The following KCNB2 variants were observed in gnomAD, a reference collection of about 807,000 sequenced individuals.
KCNB2 encodes the protein potassium voltage-gated channel subfamily B member 2.
In KCNB2, 15 loss-of-function variants were observed where a neutral mutation model predicts 61.5. The observed-to-expected ratio is 0.24, with a 90% confidence interval of 0.16 to 0.38. The LOEUF (loss-of-function observed/expected upper bound fraction) is 0.38. Among genes scored for constraint, KCNB2 ranks in the 10% least tolerant of loss-of-function variants. KCNB2 has a pLI of 1.00. For missense variants in KCNB2, 828 were observed against 1,125.2 expected, an observed-to-expected ratio of 0.74 and a Z score of 3.78; for synonymous variants, 457 against 446.0, an observed-to-expected ratio of 1.02 and a Z score of -0.31.
intron 2 of KCNB2, among the ~76,000 whole-genome samples, chr8:72,684,813 G>C (rs1459867818): frequency 6.6e-6 from 1 of 152,172 alleles, no homozygotes; most frequent in African/African-American, 2.4e-5. Context: ...GTAGATTTCT[G>C]AGATGTGCAC....
At chr8:72,785,657 A>G (rs1808834859) in intron 2 of KCNB2, among the ~76,000 whole-genome samples, 1 of 152,140 alleles carries the variant, frequency 6.6e-6, no homozygotes, top group Admixed American at 6.5e-5. Flanking sequence ...TCTACTATGA[A>G]TAATAAGTCA....
At chr8:72,690,565 T>C (rs1421279252) in intron 2 of KCNB2, among the ~76,000 whole-genome samples, 1 of 152,250 alleles carries the variant, frequency 6.6e-6, no homozygotes, top group Non-Finnish European at 1.5e-5. Context: ...TAGACTGGAA[T>C]CTTCTTGCAG....
At chr8:72,705,494 A>T (rs1183678786) in intron 2 of KCNB2, among the ~76,000 whole-genome samples, 1 of 152,234 alleles carries the variant, frequency 6.6e-6, no homozygotes, top group Non-Finnish European at 1.5e-5. Context: ...CATGGAGAGA[A>T]GATTAATAAC....
intron 2 of KCNB2, among the ~76,000 whole-genome samples, chr8:72,916,756 G>A (rs1806409273): frequency 1.3e-5 from 2 of 152,104 alleles, no homozygotes; most frequent in South Asian, 4.2e-4. Flanking sequence ...GCTAAAAAGG[G>A]GACAGAGCAG....
At chr8:72,904,054 A>G (rs968054308) in intron 2 of KCNB2, among the ~76,000 whole-genome samples, 3 of 152,176 alleles carry the variant, frequency 2.0e-5, no homozygotes, top group African/African-American at 7.2e-5. Flanking sequence ...TGAGAAGTAG[A>G]GTAATTGAAA....
At chr8:72,637,834 G>T (rs1805990896) in intron 2 of KCNB2, among the ~76,000 whole-genome samples, 1 of 152,124 alleles carries the variant, frequency 6.6e-6, no homozygotes, top group Non-Finnish European at 1.5e-5. Flanking sequence ...CAGAGTAGGT[G>T]CTGAGAAGCC....
intron 2 of KCNB2, among the ~76,000 whole-genome samples, chr8:72,715,959 A>AT (rs1807430483): frequency 6.6e-6 from 1 of 152,242 alleles, no homozygotes; most frequent in Non-Finnish European, 1.5e-5. Context: ...AATAGATGCA[A>AT]TAAAAAATGA....
chr8:72,860,174 T>A lies in KCNB2; in HGVS notation c.580-75761T>A, dbSNP rs564502735. Among the ~76,000 whole-genome samples, 3 of 152,348 alleles carry A rather than the reference T, an allele frequency of 2.0e-5. No individual in the cohort carries two copies. In the South Asian group the frequency reaches 6.2e-4, roughly 32 times the overall value. ...ACGTACAAGTTTTTGTCTGGACATA[T>A]GTTTTCATTTTCCTTCAGTATACGA... On this transcript the variant is annotated intron_variant, in intron 2 of 2. Transcript: ENST00000523207.
intron 2 of KCNB2, among the ~76,000 whole-genome samples, chr8:72,920,951 T>C (rs1384017369): frequency 6.6e-6 from 1 of 152,080 alleles, no homozygotes; most frequent in Non-Finnish European, 1.5e-5. Context: ...CACAGGGGTA[T>C]AACAGGTAGA....
At chr8:72,699,441 G>A (rs1229452609) in intron 2 of KCNB2, among the ~76,000 whole-genome samples, 3 of 74,886 alleles carry the variant, frequency 4.0e-5, no homozygotes, top group Non-Finnish European at 8.5e-5. Context: ...TGATGGGGTT[G>A]TTTGTTTTTT....
At chr8:72,881,848 C>T (rs1481084560) in intron 2 of KCNB2, 1 of 152,148 alleles carries the variant, frequency 6.6e-6, no homozygotes, top group African/African-American at 2.4e-5. Flanking sequence ...GCCGTAGCAT[C>T]CACCTTCTGC....
At chr8:72,742,424 G>T (rs183218472) in intron 2 of KCNB2, among the ~76,000 whole-genome samples, 8 of 152,250 alleles carry the variant, frequency 5.3e-5, no homozygotes, top group Non-Finnish European at 8.8e-5. Flanking sequence ...TACCATAAGG[G>T]TGGTATAAAT....
chr8:72,609,026 T>C (rs1805498217), intron 2 of KCNB2, among the ~76,000 whole-genome samples: 1 of 152,214 alleles, frequency 6.6e-6, no homozygotes, highest in Non-Finnish European at 1.5e-5. Flanking sequence ...ACAAGTGATG[T>C]AGTGGGGAGT....
At chr8:72,727,670 G>A (rs1290002214) in intron 2 of KCNB2, among the ~76,000 whole-genome samples, 1 of 152,182 alleles carries the variant, frequency 6.6e-6, no homozygotes, top group Non-Finnish European at 1.5e-5. Flanking sequence ...GGAACCATTA[G>A]CCAGGAGAAT....
At chr8:72,775,724 T>TAAAAAAAA (rs59529067) in intron 2 of KCNB2, among the ~76,000 whole-genome samples, 1 of 145,724 alleles carries the variant, frequency 6.9e-6, no homozygotes, top group Non-Finnish European at 1.5e-5. Flanking sequence ...GAATGAGCTT[T>TAAAAAAAA]AAAAAAAAAA....
intron 2 of KCNB2, among the ~76,000 whole-genome samples, chr8:72,709,616 C>T (rs1807291924): frequency 6.6e-6 from 1 of 151,932 alleles, no homozygotes; most frequent in African/African-American, 2.4e-5. Context: ...TACTCTTCAA[C>T]TAACTGAGTG....
At chr8:72,926,507 G>A (rs990487095) in intron 2 of KCNB2, among the ~76,000 whole-genome samples, 22 of 152,130 alleles carry the variant, frequency 1.4e-4, no homozygotes, top group South Asian at 2.1e-4. Flanking sequence ...ATAGGTAAAC[G>A]TGTGCCATGG....
chr8:72,851,590 G>A (rs992104952), intron 2 of KCNB2, among the ~76,000 whole-genome samples: 3 of 151,966 alleles, frequency 2.0e-5, no homozygotes, highest in East Asian at 1.9e-4. Flanking sequence ...CGAACCCTTC[G>A]AGAACAGGCA....
chr8:72,851,845 A>AAAAAAAAAAAAAAAAAAC (rs1563404693), intron 2 of KCNB2, among the ~76,000 whole-genome samples: 15 of 147,914 alleles, frequency 1.0e-4, no homozygotes, highest in African/African-American at 3.6e-4. Context: ...AAAAAAAAAA[A>AAAAAAAAAAAAAAAAAAC]AAACACGTAC....
Sources: gnomAD v4.1 joint callset for allele counts (sites outside exome capture counted in the v4.1 genomes callset) on GRCh38, gnomAD v4.1.1 for gene constraint, MANE v1.5 for transcripts, NCBI Gene and HGNC (gene_info 2026-07-23, HGNC 2026-07-21) for gene names.